UBE2H: variants seen among roughly 807,000 people sequenced by gnomAD.
The protein encoded by UBE2H is ubiquitin-conjugating enzyme E2 H.
In UBE2H, 3 loss-of-function variants were observed where a neutral mutation model predicts 29.0. The ratio of observed to expected loss-of-function variants is 0.10; its 90% CI spans 0.05 to 0.27. The LOEUF (loss-of-function observed/expected upper bound fraction) is 0.27. Among genes scored for constraint, UBE2H ranks in the 10% least tolerant of loss-of-function variants. The pLI, the probability that UBE2H is intolerant of heterozygous loss-of-function variation, is 1.00. For missense variants in UBE2H, 68 were observed against 228.2 expected, an observed-to-expected ratio of 0.30 and a Z score of 4.52; for synonymous variants, 69 against 82.9, an observed-to-expected ratio of 0.83 and a Z score of 0.91.
intron 1 of UBE2H, among the ~76,000 whole-genome samples, chr7:129,903,366 C>T (rs1806755058): frequency 6.6e-6 from 1 of 152,220 alleles, no homozygotes; most frequent in South Asian, 2.1e-4. Flanking sequence ...ACACAGAAAA[C>T]TCTCAATATA....
At chr7:129,867,233 A>T (rs1436863657) in intron 3 of UBE2H, among the ~76,000 whole-genome samples, 1 of 152,128 alleles carries the variant, frequency 6.6e-6, no homozygotes, top group Non-Finnish European at 1.5e-5. Flanking sequence ...TAAGAAGACC[A>T]TCCTACACAT....
intron 1 of UBE2H, among the ~76,000 whole-genome samples, chr7:129,946,904 C>T (rs1450853996): frequency 1.3e-5 from 2 of 152,150 alleles, no homozygotes; most frequent in Admixed American, 6.5e-5. Flanking sequence ...AACATTATAA[C>T]GTAATGTAAG....
At chr7:129,935,805 C>A (rs957399116) in intron 1 of UBE2H, among the ~76,000 whole-genome samples, 3 of 152,054 alleles carry the variant, frequency 2.0e-5, no homozygotes, top group African/African-American at 7.2e-5. Flanking sequence ...AAAGTAGTAT[C>A]CTCTCAACTT....
intron 1 of UBE2H, among the ~76,000 whole-genome samples, chr7:129,934,943 A>ATG (rs1491076841): frequency 0.011 from 1,640 of 149,528 alleles, 36 homozygotes; most frequent in African/African-American, 0.038. Flanking sequence ...ATATATATAT[A>ATG]TATGTGTGTG....
At chr7:129,889,762 T>C (rs1033404466) in intron 1 of UBE2H, among the ~76,000 whole-genome samples, 3 of 152,130 alleles carry the variant, frequency 2.0e-5, no homozygotes, top group South Asian at 2.1e-4. Context: ...GGCAGAAAGA[T>C]TGCTTGAGGC....
chr7:129,868,381 C>A (rs1363041986), intron 3 of UBE2H, among the ~76,000 whole-genome samples: 1 of 151,636 alleles, frequency 6.6e-6, no homozygotes, highest in African/African-American at 2.4e-5. Context: ...GAGATCGAGA[C>A]CATCCTGGCT....
At chr7:129,854,187 C>T (rs1463567460) in intron 5 of UBE2H, among the ~76,000 whole-genome samples, 5 of 149,922 alleles carry the variant, frequency 3.3e-5, no homozygotes, top group Admixed American at 1.3e-4. Context: ...AACTAACCTT[C>T]AATGCCAGAG....
chr7:129,848,853 G>GGTAA, intron 5 of UBE2H, among the ~76,000 whole-genome samples: 1 of 42,500 alleles, frequency 2.4e-5, no homozygotes. Flanking sequence ...TTTTTTTTTT[G>GGTAA]GTAAGGCCTG....
chr7:129,906,425 G>A (rs56034137), intron 1 of UBE2H, among the ~76,000 whole-genome samples: 9,406 of 151,944 alleles, frequency 0.062, 363 homozygotes, highest in Non-Finnish European at 0.091. Context: ...GGCTGGTCTC[G>A]AACTCCTGGC....
At position 129,934,633 on chromosome 7, in the gene UBE2H, G is replaced by A. The variant is rs1333652654; in HGVS notation, c.53+17870C>T. On this transcript the variant is annotated intron_variant, in intron 1 of 6. Transcript: ENST00000355621. ...AGCCTGGGCGACAGAGCAAGACTCC[G>A]TCTTTAAAAAAAAAAAAAAAAAAAA... 1.4e-4 allele frequency among the ~76,000 whole-genome samples: 13 copies of A among 95,060 alleles called. No individual in the cohort carries two copies. The East Asian group carries it at 2.1e-3, about 16-fold the overall frequency. The allele number at this position is 95,060 out of a possible 152,430, so 62.4% of individuals were successfully genotyped here.
chr7:129,883,569 C>T (rs1033221087), intron 1 of UBE2H, among the ~76,000 whole-genome samples: 2 of 152,256 alleles, frequency 1.3e-5, no homozygotes, highest in Non-Finnish European at 2.9e-5. Flanking sequence ...AGGCTGGGCA[C>T]AGTGGCTCAC....
At chr7:129,881,417 C>T (rs940785846) in intron 1 of UBE2H, among the ~76,000 whole-genome samples, 7 of 152,148 alleles carry the variant, frequency 4.6e-5, no homozygotes, top group African/African-American at 1.4e-4. Flanking sequence ...GAGGCCTAGG[C>T]GGGTGGATCA....
At position 129,948,002 on chromosome 7, in the gene UBE2H, A is replaced by G. The variant is rs190402440; in HGVS notation, c.53+4501T>C. 5.1e-4 allele frequency among the ~76,000 whole-genome samples: 77 copies of G among 152,140 alleles called. 1 individual carries two copies. The highest frequency in any genetic ancestry group is 1.8e-3 in the African/African-American group (75 of 41,520). ...CAAGTAGCTGGGACTACAAGCCCGC[A>G]CCATCACGCCTGGCTAATTTTTTAT... On this transcript the variant is annotated intron_variant, in intron 1 of 6. Transcript: ENST00000355621.
chr7:129,850,877 AGAGAGAGAAAG>A (rs1378989134), intron 5 of UBE2H, among the ~76,000 whole-genome samples: 1 of 151,266 alleles, frequency 6.6e-6, no homozygotes, highest in Non-Finnish European at 1.5e-5. Flanking sequence ...GGAGGGACAG[AGAGAGAGAAAG>A]GAGAGAGAGA....
chr7:129,916,633 T>C (rs568100929), intron 1 of UBE2H, among the ~76,000 whole-genome samples: 16 of 151,988 alleles, frequency 1.1e-4, no homozygotes, highest in African/African-American at 3.1e-4. Context: ...TCTAGGGAAA[T>C]AGAAATAGAC....
chr7:129,928,589 C>T (rs1334585701), intron 1 of UBE2H, among the ~76,000 whole-genome samples: 4 of 152,076 alleles, frequency 2.6e-5, no homozygotes, highest in Non-Finnish European at 4.4e-5. Flanking sequence ...CGCGACAAAG[C>T]GAGACTCCGT....
intron 1 of UBE2H, among the ~76,000 whole-genome samples, chr7:129,939,370 T>C (rs1807596458): frequency 6.6e-6 from 1 of 152,150 alleles, no homozygotes; most frequent in Admixed American, 6.5e-5. Flanking sequence ...GTTTCCTTCT[T>C]TCGGAATACA....
intron 5 of UBE2H, 46 bp downstream of exon 5, chr7:129,857,465 G>A: frequency 6.4e-7 from 1 of 1,569,664 alleles, no homozygotes; most frequent in Non-Finnish European, 8.6e-7. Flanking sequence ...CATTTTTTTA[G>A]GCAATGTCTC....
intron 1 of UBE2H, among the ~76,000 whole-genome samples, chr7:129,909,556 T>C (rs1584780108): frequency 2.0e-5 from 3 of 152,210 alleles, no homozygotes; most frequent in Non-Finnish European, 4.4e-5. Context: ...ATAAGAACCC[T>C]TCAAAAAGAG....
Sources: gnomAD v4.1 joint callset for allele counts (sites outside exome capture counted in the v4.1 genomes callset) on GRCh38, gnomAD v4.1.1 for gene constraint, MANE v1.5 for transcripts, NCBI Gene and HGNC (gene_info 2026-07-23, HGNC 2026-07-21) for gene names.